MAP3K20: variants seen among roughly 807,000 people sequenced by gnomAD.
The protein encoded by MAP3K20 is HCCS-4.
MAP3K20 carries 40 observed loss-of-function variants against 85.7 expected under a neutral mutation model. That is an observed-to-expected ratio of 0.47 (90% CI 0.36 to 0.61). MAP3K20 has a LOEUF of 0.61. MAP3K20 is among the 20% of genes least tolerant of loss of function. The pLI, the probability that MAP3K20 is intolerant of heterozygous loss-of-function variation, is 0.00. For synonymous variants in MAP3K20, 325 were observed against 327.7 expected, an observed-to-expected ratio of 0.99 and a Z score of 0.09; for missense variants, 817 against 961.7, an observed-to-expected ratio of 0.85 and a Z score of 1.99.
At chr2:173,228,662 T>C (rs539899893) in intron 11 of MAP3K20, among the ~76,000 whole-genome samples, 100 of 152,320 alleles carry the variant, frequency 6.6e-4, no homozygotes, top group Non-Finnish European at 1.2e-3. Flanking sequence ...TATAACTGTA[T>C]TAGTCCCAGT....
chr2:173,223,105 C>A, intron 11 of MAP3K20: 1 of 985,270 alleles, frequency 1.0e-6, no homozygotes. Flanking sequence ...TTTCTAATGC[C>A]CCTTGAGAGG....
chr2:173,112,753 C>T (rs1172039077), intron 2 of MAP3K20, among the ~76,000 whole-genome samples: 1 of 151,990 alleles, frequency 6.6e-6, no homozygotes, highest in Non-Finnish European at 1.5e-5. Flanking sequence ...TCCTGTATCC[C>T]TGTTATGAAA....
intron 2 of MAP3K20, among the ~76,000 whole-genome samples, chr2:173,168,075 A>G (rs1689888026): frequency 1.3e-5 from 1 of 76,848 alleles, no homozygotes; most frequent in African/African-American, 2.9e-5. Context: ...TTTATTTATT[A>G]TTTCTAATAA....
chr2:173,136,086 C>G (rs867462587), intron 2 of MAP3K20, among the ~76,000 whole-genome samples: 1 of 152,152 alleles, frequency 6.6e-6, no homozygotes, highest in Non-Finnish European at 1.5e-5. Flanking sequence ...TACTGAATAC[C>G]TTAACAACAT....
chr2:173,087,051 G>A (rs192801750), intron 1 of MAP3K20, among the ~76,000 whole-genome samples: 6 of 152,334 alleles, frequency 3.9e-5, no homozygotes, highest in African/African-American at 1.4e-4. Context: ...AGGTATAATG[G>A]AAGAATAACC....
At chr2:173,135,380 C>T (rs1446954489) in intron 2 of MAP3K20, among the ~76,000 whole-genome samples, 1 of 152,118 alleles carries the variant, frequency 6.6e-6, no homozygotes. Context: ...GAAAAGATTT[C>T]AACAGATTAG....
At chr2:173,194,437 T>A (rs570039663) in intron 7 of MAP3K20, among the ~76,000 whole-genome samples, 1 of 152,124 alleles carries the variant, frequency 6.6e-6, no homozygotes, top group Non-Finnish European at 1.5e-5. Flanking sequence ...CAACCACAGG[T>A]ATTTTTTTAA....
At chr2:173,251,199 G>GTCT (rs955070631) in intron 16 of MAP3K20, among the ~76,000 whole-genome samples, 3 of 152,118 alleles carry the variant, frequency 2.0e-5, no homozygotes, top group Non-Finnish European at 4.4e-5. Context: ...GGCTCTTCCA[G>GTCT]TCTTCCCTTG....
intron 1 of MAP3K20, among the ~76,000 whole-genome samples, chr2:173,079,442 T>C (rs1339533301): frequency 3.3e-5 from 5 of 152,140 alleles, no homozygotes; most frequent in Non-Finnish European, 5.9e-5. Context: ...ACTGTACACT[T>C]AGGCTCTACT....
intron 16 of MAP3K20, among the ~76,000 whole-genome samples, chr2:173,245,895 C>T (rs1367992799): frequency 6.6e-6 from 1 of 152,218 alleles, no homozygotes; most frequent in Non-Finnish European, 1.5e-5. Flanking sequence ...CGCACCACTG[C>T]ACTCCAGCCT....
At chr2:173,152,256 A>G (rs1689329210) in intron 2 of MAP3K20, among the ~76,000 whole-genome samples, 1 of 152,196 alleles carries the variant, frequency 6.6e-6, no homozygotes, top group Non-Finnish European at 1.5e-5. Flanking sequence ...CACCAGGTTT[A>G]TATTTGTTTA....
intron 2 of MAP3K20, among the ~76,000 whole-genome samples, chr2:173,138,827 AT>A (rs1380150804): frequency 6.6e-6 from 1 of 152,206 alleles, no homozygotes; most frequent in African/African-American, 2.4e-5. Flanking sequence ...CCAAAAGGTC[AT>A]TTTGTTTTCC....
intron 18 of MAP3K20, among the ~76,000 whole-genome samples, chr2:173,263,464 T>G (rs1028846000): frequency 3.3e-5 from 5 of 152,250 alleles, no homozygotes; most frequent in Admixed American, 2.6e-4. Context: ...TTTTAGCTAC[T>G]ATAGTTTACT....
chr2:173,078,145 A>G (rs1686916347), intron 1 of MAP3K20, among the ~76,000 whole-genome samples: 1 of 152,218 alleles, frequency 6.6e-6, no homozygotes, highest in African/African-American at 2.4e-5. Context: ...TTTATTTTAG[A>G]AAGTGGTAGA....
rs142516059 is a variant in MAP3K20, at chr2:173,227,623, C to A, written c.988-2066C>A. Among the ~76,000 whole-genome samples the A allele has an allele frequency of 3.7e-3, 561 of 152,266 alleles. 4 individuals carry two copies. Among genetic ancestry groups the A allele is most frequent in the African/African-American group, 0.013 (541 of 41,542 alleles). The stretch of plus-strand genomic sequence containing the variant: ...GAACCATCCTCAGTGTGCAACCAAC[C>A]CCCTCTCCTTTCAACATTAAAACCA... On this transcript the variant is annotated intron_variant, in intron 11 of 19. Transcript: ENST00000375213.
chr2:173,090,731 C>G (rs1190378313), intron 1 of MAP3K20: 6 of 1,048,978 alleles, frequency 5.7e-6, no homozygotes, highest in Non-Finnish European at 3.4e-6. Context: ...GGAAGTGCTG[C>G]TGCAGGTTTT....
intron 2 of MAP3K20, among the ~76,000 whole-genome samples, chr2:173,168,433 TC>T (rs1413415405): frequency 6.6e-6 from 1 of 152,202 alleles, no homozygotes; most frequent in Non-Finnish European, 1.5e-5. Flanking sequence ...ATGCCGACCC[TC>T]AAACTTGTTT....
At chr2:173,225,322 G>A (rs965961035) in intron 11 of MAP3K20, 6 of 282,208 alleles carry the variant, frequency 2.1e-5, no homozygotes, top group Middle Eastern at 1.7e-3. Context: ...GGCAGGGCAC[G>A]GTGGCTCACG....
intron 2 of MAP3K20, among the ~76,000 whole-genome samples, chr2:173,120,288 T>G (rs866263455): frequency 8.5e-5 from 13 of 152,140 alleles, no homozygotes; most frequent in African/African-American, 3.1e-4. Context: ...CTGAAGGTTC[T>G]GAGTCCTCAG....
Sources: allele counts gnomAD v4.1 joint callset (sites outside exome capture counted in the v4.1 genomes callset), GRCh38; gene constraint gnomAD v4.1.1; transcripts MANE v1.5; gene names NCBI Gene and HGNC (gene_info 2026-07-23, HGNC 2026-07-21).